Variants in SCAF8 observed in about 807,000 individuals in gnomAD.
The protein encoded by SCAF8 is SR-related and CTD-associated factor 8.
In SCAF8, 23 loss-of-function variants were observed where a neutral mutation model predicts 140.5. The observed-to-expected ratio is 0.16, with a 90% CI of 0.12 to 0.23. The LOEUF is 0.23. Ranked by LOEUF, SCAF8 falls within the 10% of genes least tolerant of loss-of-function variation. SCAF8 has a pLI of 1.00. For synonymous variants in SCAF8, 575 were observed against 528.9 expected, an observed-to-expected ratio of 1.09 and a Z score of -1.20; for missense variants, 1,397 against 1,555.7, an observed-to-expected ratio of 0.90 and a Z score of 1.72.
chr6:154,750,554 A>G (rs1002634960), intron 1 of SCAF8, among the ~76,000 whole-genome samples: 1 of 152,226 alleles, frequency 6.6e-6, no homozygotes, highest in East Asian at 1.9e-4. Context: ...AATTCTGCCT[A>G]TACAACCAGA....
intron 1 of SCAF8, among the ~76,000 whole-genome samples, chr6:154,761,227 T>G (rs1034986979): frequency 6.6e-6 from 1 of 152,202 alleles, no homozygotes; most frequent in Non-Finnish European, 1.5e-5. Flanking sequence ...AAGATGCTTT[T>G]GAAACACTTT....
At chr6:154,826,903 T>C (rs1165386901) in intron 17 of SCAF8, among the ~76,000 whole-genome samples, 2 of 152,172 alleles carry the variant, frequency 1.3e-5, no homozygotes, top group Non-Finnish European at 2.9e-5. Context: ...TTTTTGATTT[T>C]ACAGCACCAT....
intron 1 of SCAF8, among the ~76,000 whole-genome samples, chr6:154,744,680 A>G (rs141032215): frequency 6.6e-6 from 1 of 152,304 alleles, no homozygotes; most frequent in East Asian, 1.9e-4. Context: ...TCAATTTTTC[A>G]TAGGTTTTTT....
intron 3 of SCAF8, among the ~76,000 whole-genome samples, chr6:154,784,657 T>C (rs953442007): frequency 6.6e-6 from 1 of 152,222 alleles, no homozygotes; most frequent in Non-Finnish European, 1.5e-5. Flanking sequence ...GTATTCACAG[T>C]AATCTAGAGC....
At chr6:154,756,330 T>C (rs963902312) in intron 1 of SCAF8, among the ~76,000 whole-genome samples, 3 of 152,236 alleles carry the variant, frequency 2.0e-5, no homozygotes, top group African/African-American at 7.2e-5. Context: ...CATTATTGAA[T>C]TGTCAAAAAT....
intron 9 of SCAF8, among the ~76,000 whole-genome samples, chr6:154,806,749 T>G (rs548243300): frequency 8.7e-4 from 133 of 152,200 alleles, no homozygotes; most frequent in Non-Finnish European, 1.6e-3. Context: ...ATTATGAGAA[T>G]GGAATTTCAT....
Position 154,733,947 on chromosome 6 carries a change from G to T in SCAF8, c.30+17G>T. On this transcript the variant is annotated intron_variant, in intron 1 of 19. Coordinates refer to ENST00000367178, the MANE Select transcript of SCAF8 (RefSeq NM_014892.5). Reference sequence around the variant, plus strand: ...AATAGCGAGGTTGGTATGGCAGCCGGGTTCCCCTGCTCCTGCCCGCACCGC... The same window carrying T: ...AATAGCGAGGTTGGTATGGCAGCCGTGTTCCCCTGCTCCTGCCCGCACCGC... 5.2e-6 allele frequency: 8 copies of T among 1,528,884 alleles called. No homozygotes were observed. The highest frequency in any genetic ancestry group is 7.0e-6 in the Non-Finnish European group (8 of 1,144,538). The allele number at this position is 1,528,884 out of a possible 1,614,324, so 94.7% of individuals were successfully genotyped here. A position where few individuals can be genotyped will look rare whatever the true frequency, so the allele number is the denominator to read the frequency against.
chr6:154,803,169 G>T (rs1364653695), intron 7 of SCAF8, among the ~76,000 whole-genome samples: 1 of 152,088 alleles, frequency 6.6e-6, no homozygotes, highest in Non-Finnish European at 1.5e-5. Flanking sequence ...GCATTCAGAA[G>T]AATAACAGCA....
intron 18 of SCAF8, among the ~76,000 whole-genome samples, chr6:154,827,834 C>CGGGGG (rs36065536): frequency 1.2e-5 from 1 of 81,304 alleles, no homozygotes; most frequent in Non-Finnish European, 2.5e-5. Context: ...TGGGGCGGGG[C>CGGGGG]GGGGGGGGGG....
At chr6:154,779,924 A>G (rs1777036659) in intron 3 of SCAF8, among the ~76,000 whole-genome samples, 1 of 152,102 alleles carries the variant, frequency 6.6e-6, no homozygotes, top group African/African-American at 2.4e-5. Context: ...CGTTCTGTAG[A>G]ATTGTAGTAA....
intron 1 of SCAF8, among the ~76,000 whole-genome samples, chr6:154,766,448 A>C (rs566539565): frequency 6.6e-6 from 1 of 152,350 alleles, no homozygotes; most frequent in South Asian, 2.1e-4. Context: ...AATCAAAAGC[A>C]GTCTTGGATA....
chr6:154,738,365 C>A (rs1362195165), intron 1 of SCAF8, among the ~76,000 whole-genome samples: 1 of 152,138 alleles, frequency 6.6e-6, no homozygotes, highest in African/African-American at 2.4e-5. Flanking sequence ...CCTTTCACTT[C>A]TGTGTTAAAA....
At chr6:154,784,366 C>G (rs917648190) in intron 3 of SCAF8, among the ~76,000 whole-genome samples, 4 of 151,788 alleles carry the variant, frequency 2.6e-5, no homozygotes, top group Non-Finnish European at 5.9e-5. Flanking sequence ...AACACAAGTT[C>G]CACACTTTTT....
At chr6:154,816,615 A>T (rs1778258861) in intron 13 of SCAF8, among the ~76,000 whole-genome samples, 1 of 152,188 alleles carries the variant, frequency 6.6e-6, no homozygotes, top group Non-Finnish European at 1.5e-5. Context: ...AACAGGAAGT[A>T]TGAGGAGACT....
Position 154,818,603 on chromosome 6 carries a change from G to C in SCAF8, c.1635+11G>C. 1 of 1,447,018 alleles carries C rather than the reference G, an allele frequency of 6.9e-7. No homozygotes were observed. Among genetic ancestry groups the C allele is most frequent in the Non-Finnish European group, 9.6e-7 (1 of 1,038,518 alleles). The allele number at this position is 1,447,018 out of a possible 1,614,324, so 89.6% of individuals were successfully genotyped here. A position where few individuals can be genotyped will look rare whatever the true frequency, so the allele number is the denominator to read the frequency against. On this transcript the variant is annotated intron_variant, in intron 14 of 19. Coordinates refer to ENST00000367178, the MANE Select transcript of SCAF8 (RefSeq NM_014892.5). ...TCCAAGGTCATTAAGGTGAGATTTGGTGGATTGGAACTTGGGGTAGGGGGG... is the reference window on the plus strand; with the variant it reads ...TCCAAGGTCATTAAGGTGAGATTTGCTGGATTGGAACTTGGGGTAGGGGGG...
rs1048770087 is a variant in SCAF8, at chr6:154,745,079, C to T, written c.30+11149C>T. On this transcript the variant is annotated intron_variant, in intron 1 of 19. Coordinates refer to ENST00000367178, the MANE Select transcript of SCAF8 (RefSeq NM_014892.5). ...ATTTCACTAATCATACCAATAATGT[C>T]CTTACTAGAGTAAATTCTACATCAC... is the stretch of plus-strand genomic sequence containing the variant. 2.6e-5 allele frequency among the ~76,000 whole-genome samples: 4 copies of T among 152,322 alleles called. No homozygotes were observed. In the South Asian group the frequency reaches 8.3e-4, roughly 32 times the overall value.
intron 1 of SCAF8, among the ~76,000 whole-genome samples, chr6:154,759,767 G>A (rs149401446): frequency 0.029 from 4,367 of 150,264 alleles, 77 homozygotes; most frequent in Non-Finnish European, 0.048. Flanking sequence ...CCAGGTTCAC[G>A]CCATTCTCCT....
At chr6:154,770,431 G>C (rs1181528709) in intron 1 of SCAF8, among the ~76,000 whole-genome samples, 4 of 147,892 alleles carry the variant, frequency 2.7e-5, no homozygotes, top group Admixed American at 6.8e-5. Flanking sequence ...CTCTAGTTGA[G>C]TGTGGCGGTC....
At chr6:154,741,947 C>G in intron 1 of SCAF8, 6 of 1,527,532 alleles carry the variant, frequency 3.9e-6, no homozygotes, top group Non-Finnish European at 5.3e-6. Flanking sequence ...CTCTACTCCT[C>G]TCTCTCAGGA....
Sources: gnomAD v4.1 joint callset for allele counts (sites outside exome capture counted in the v4.1 genomes callset) on GRCh38, gnomAD v4.1.1 for gene constraint, MANE v1.5 for transcripts, NCBI Gene and HGNC (gene_info 2026-07-23, HGNC 2026-07-21) for gene names.